The following ADA2 variants were observed in gnomAD, a reference collection of about 807,000 sequenced individuals.
ADA2 encodes the protein adenosine deaminase CECR1.
In ADA2, 29 loss-of-function variants were observed where a neutral mutation model predicts 44.2. The observed-to-expected ratio is 0.66, with a 90% confidence interval of 0.49 to 0.89. ADA2 has a LOEUF of 0.89. Ranked by LOEUF, ADA2 falls within the 40% of genes least tolerant of loss-of-function variation. The probability of loss-of-function intolerance (pLI) is 0.00; values close to 1 mark genes in which losing one functional copy is unlikely to be tolerated. For synonymous variants in ADA2, 215 were observed against 234.9 expected (o/e 0.92, Z 0.77); for missense variants, 637 against 644.8 (o/e 0.99, Z 0.13).
At chr22:17,211,061 T>A (rs2062413443) in intron 1 of ADA2, among the ~76,000 whole-genome samples, 1 of 152,008 alleles carries the variant, frequency 6.6e-6, no homozygotes. Context: ...AATATTTTTT[T>A]ATTAAAAAAT....
chr22:17,184,585 T>C (rs1456602228), intron 7 of ADA2, among the ~76,000 whole-genome samples: 2 of 152,056 alleles, frequency 1.3e-5, no homozygotes, highest in African/African-American at 4.8e-5. Context: ...GTGGGATGCA[T>C]GTACTCTATT....
chr22:17,202,135 AT>A (rs566952207), intron 4 of ADA2, among the ~76,000 whole-genome samples: 4,401 of 133,370 alleles, frequency 0.033, 70 homozygotes, highest in South Asian at 0.063. Flanking sequence ...ATGCCAGCTA[AT>A]TTTTTTTTTT....
chr22:17,195,851 C>T (rs2062184039), intron 4 of ADA2, among the ~76,000 whole-genome samples: 2 of 151,420 alleles, frequency 1.3e-5, no homozygotes, highest in Non-Finnish European at 2.9e-5. Context: ...ACCTCCACCT[C>T]CTGGGTTCAA....
At chr22:17,217,544 GGGCAGT>G (rs2062485182) in intron 1 of ADA2, among the ~76,000 whole-genome samples, 2 of 152,206 alleles carry the variant, frequency 1.3e-5, no homozygotes, top group Admixed American at 1.3e-4. Context: ...ATTTAAGAAG[GGGCAGT>G]GGCTCATGCC....
chr22:17,213,801 G>T (rs367610669), intron 1 of ADA2: 1 of 253,548 alleles, frequency 3.9e-6, no homozygotes, highest in Non-Finnish European at 7.7e-6. Flanking sequence ...ACTTCAGGAG[G>T]CTGAGGCGGG....
rs374170344 is a variant in ADA2 at position 17,184,983 on chromosome 22, A to AATATATATATATATATATATATAT, written c.1082-2246_1082-2223dup. On this transcript the variant is annotated intron_variant, in intron 7 of 9. Coordinates refer to ENST00000399837, the MANE Select transcript of ADA2 (RefSeq NM_001282225.2). ...CTGGGTGACAGAGTGCCCATGTCAA[A>AATATATATATATATATATATATAT]ATATATATATATATATATATATATG... 7.8e-3 allele frequency among the ~76,000 whole-genome samples: 607 copies of AATATATATATATATATATATATAT among 78,284 alleles called. 21 individuals carry two copies. The highest frequency in any genetic ancestry group is 0.015 in the Middle Eastern group (2 of 134). 51.4% of individuals were successfully genotyped at this position (78,284 alleles called of 152,430 possible). A position where few individuals can be genotyped will look rare whatever the true frequency, so the allele number is the denominator to read the frequency against.
rs548948728 is a variant in ADA2, at chr22:17,191,216, G to C, written c.881+467C>G. Among the ~76,000 whole-genome samples the C allele has an allele frequency of 4.1e-4, 63 of 152,320 alleles. 1 individual carries two copies. In the South Asian group the frequency reaches 0.013, roughly 31 times the overall value. ...GTCTTTCACCCACGTGCCAGGCCAC[G>C]CACATGGTACTACTGGAGGTCCCCA... On this transcript the variant is annotated intron_variant, in intron 5 of 9. Transcript: ENST00000399837.
At chr22:17,192,298 C>G (rs1263376749) in intron 4 of ADA2, among the ~76,000 whole-genome samples, 2 of 152,186 alleles carry the variant, frequency 1.3e-5, no homozygotes, top group African/African-American at 4.8e-5. Flanking sequence ...GGGTAGGTGC[C>G]CATTAAGCAT....
At chr22:17,207,500 T>A (rs573547810) in intron 2 of ADA2, among the ~76,000 whole-genome samples, 71 of 151,750 alleles carry the variant, frequency 4.7e-4, no homozygotes, top group Non-Finnish European at 9.4e-4. Flanking sequence ...ACAGTGTGGA[T>A]CACAAGAAGA....
At chr22:17,193,142 C>A in intron 4 of ADA2, 1 of 1,414,164 alleles carries the variant, frequency 7.1e-7, no homozygotes, top group Non-Finnish European at 9.7e-7. Flanking sequence ...GTTCCTGGTC[C>A]ACAACATCAA....
chr22:17,215,328 C>T (rs530586652), intron 1 of ADA2, among the ~76,000 whole-genome samples: 16 of 152,276 alleles, frequency 1.1e-4, no homozygotes, highest in South Asian at 8.3e-4. Flanking sequence ...GGGCTGGGCA[C>T]GGTGGCTTAC....
intron 1 of ADA2, among the ~76,000 whole-genome samples, chr22:17,217,116 A>C (rs73876663): frequency 0.053 from 8,065 of 152,210 alleles, 246 homozygotes; most frequent in East Asian, 0.12. Flanking sequence ...ATTTACTAGC[A>C]ATATTAAAAA....
At chr22:17,213,442 T>G (rs1310159770) in intron 1 of ADA2, 1 of 195,256 alleles carries the variant, frequency 5.1e-6, no homozygotes, top group Non-Finnish European at 1.0e-5. Context: ...ACAACCCAAG[T>G]GTCCACCAAC....
chr22:17,207,191 C>G lies in ADA2; in HGVS notation c.422G>C (p.Arg141Thr), dbSNP rs756882787. 1 of 1,614,172 alleles carries G rather than the reference C, an allele frequency of 6.2e-7. No individual in the cohort carries two copies. Among genetic ancestry groups the G allele is most frequent in the East Asian group, 2.2e-5 (1 of 44,884 alleles). ...AGCAAATCTGAACTGCATGATCCCC[C>G]TTGGGGTGAAACAGATGTGGCAGTG... ...RPHCHICFTP[R>T]GIMQFRFAHP... is the part of the protein sequence containing the mutation. Residue 141 changes from arginine (R) to threonine (T), a missense_variant, in exon 3 of 10, where the codon AGG becomes ACG. By Grantham distance (71) the Arg-to-Thr change is moderately conservative. Transcript: ENST00000399837.
At chr22:17,216,593 T>C (rs1229008926) in intron 1 of ADA2, among the ~76,000 whole-genome samples, 1 of 151,858 alleles carries the variant, frequency 6.6e-6, no homozygotes, top group African/African-American at 2.4e-5. Context: ...GGCAAAACCC[T>C]GTCTCTACTA....
intron 4 of ADA2, among the ~76,000 whole-genome samples, chr22:17,192,486 C>G (rs561406086): frequency 1.3e-5 from 2 of 152,012 alleles, no homozygotes; most frequent in African/African-American, 4.8e-5. Context: ...ACAGTGAGAG[C>G]AGAGTGGGGA....
intron 4 of ADA2, among the ~76,000 whole-genome samples, chr22:17,192,552 G>A (rs1406557995): frequency 1.3e-5 from 2 of 152,142 alleles, no homozygotes; most frequent in African/African-American, 4.8e-5. Flanking sequence ...GTGTAATGGG[G>A]AAAGGTGGCT....
rs1455745604 is a variant in ADA2 at position 17,190,084 on chromosome 22, CA to C, written c.882-53del. The C allele has an allele frequency of 2.9e-6, 4 of 1,394,620 alleles. No individual in the cohort carries two copies. In the East Asian group the frequency reaches 6.9e-5, roughly 24 times the overall value. 86.4% of individuals were successfully genotyped at this position (1,394,620 alleles called of 1,614,324 possible). ...GACAGTGCCCAGCACCGACAGAGCACAAACCCCAGAGCACACCCTCCGTGCA... is the reference window on the plus strand; with the variant it reads ...GACAGTGCCCAGCACCGACAGAGCACAACCCCAGAGCACACCCTCCGTGCA... On this transcript the variant is annotated intron_variant, in intron 5 of 9. Transcript: ENST00000399837.
Position 17,181,961 on chromosome 22 carries a change from T to A in ADA2, c.1301A>T (p.His434Leu), listed in dbSNP as rs750280468. The A allele has an allele frequency of 3.7e-6, 6 of 1,614,034 alleles. No homozygotes were observed. The highest frequency in any genetic ancestry group is 5.1e-6 in the Non-Finnish European group (6 of 1,179,992). The change falls in exon 9 of 10, where the codon CAC becomes CTC. Residue 434 changes from histidine (H) to leucine (L), a missense_variant. Coordinates refer to ENST00000399837, the MANE Select transcript of ADA2 (RefSeq NM_001282225.2). ...GTCATCAGAGCTGATCACCATGGGG[T>A]GCCCAGTGGCCATCAGAGTGGCTAC... ...HPVATLMATG[H>L]PMVISSDDPA...
Sources: gnomAD v4.1 joint callset for allele counts (sites outside exome capture counted in the v4.1 genomes callset) on GRCh38, gnomAD v4.1.1 for gene constraint, MANE v1.5 for transcripts, NCBI Gene and HGNC (gene_info 2026-07-23, HGNC 2026-07-21) for gene names.